The following BIRC6 variants were observed in gnomAD, a reference collection of about 807,000 sequenced individuals.
BIRC6 encodes the protein baculoviral IAP repeat containing 6.
In BIRC6, 98 loss-of-function variants were observed where a neutral mutation model predicts 503.3. That is an observed-to-expected ratio of 0.19 (90% CI 0.17 to 0.23). BIRC6 has a LOEUF of 0.23. Ranked by LOEUF, BIRC6 falls within the 10% of genes least tolerant of loss-of-function variation. The pLI is 1.00. For missense variants in BIRC6, 5,360 were observed against 5,806.0 expected (o/e 0.92, Z 2.50); for synonymous variants, 2,240 against 2,078.7 (o/e 1.08, Z -2.11).
chr2:32,508,368 G>A, intron 51 of BIRC6, 109 bp downstream of exon 51: 1 of 1,320,662 alleles, frequency 7.6e-7, no homozygotes, highest in Non-Finnish European at 9.9e-7. Flanking sequence ...GTCTTAGGAA[G>A]GTCTTTGTTC....
At chr2:32,511,560 G>C (rs1244308589) in intron 53 of BIRC6, among the ~76,000 whole-genome samples, 5 of 134,712 alleles carry the variant, frequency 3.7e-5, no homozygotes, top group African/African-American at 5.6e-5. Context: ...TCAATCTCCT[G>C]ACCTCATGAT....
Position 32,493,563 on chromosome 2 carries a change from T to C in BIRC6, c.8364T>C (p.Ala2788=). The C allele has an allele frequency of 6.2e-7, 1 of 1,610,746 alleles. No individual in the cohort carries two copies. Among genetic ancestry groups the C allele is most frequent in the Non-Finnish European group, 8.5e-7 (1 of 1,177,810 alleles). ...AGGTTGGTCCTACAGCTACACAAGCTATGCAAGAATTTCTTACTCGATTAC... is the reference window on the plus strand; with the variant it reads ...AGGTTGGTCCTACAGCTACACAAGCCATGCAAGAATTTCTTACTCGATTAC... The part of the protein sequence containing the change: ...SPQVGPTATQ[A]MQEFLTRLQV... The change falls in exon 45 of 74, where the codon GCT becomes GCC. Residue 2788 remains alanine (A), a synonymous_variant. Coordinates refer to ENST00000421745, the MANE Select transcript of BIRC6 (RefSeq NM_016252.4).
rs1256821951 is a variant in BIRC6 at position 32,401,325 on chromosome 2, T to C, written c.1197T>C (p.Phe399=). 6.2e-7 allele frequency: 1 copy of C among 1,614,058 alleles called. No individual in the cohort carries two copies. The highest frequency in any genetic ancestry group is 1.7e-5 in the Admixed American group (1 of 60,024). The part of the protein sequence containing the change: ...SCFGSGSCPH[F]LAAATKRGKI... ...TTGGGTCGGGGAGCTGCCCTCATTTTCTAGCTGCTGCAACTAAACGAGGAA... is the reference window on the plus strand; with the variant it reads ...TTGGGTCGGGGAGCTGCCCTCATTTCCTAGCTGCTGCAACTAAACGAGGAA... Residue 399 remains phenylalanine (F), a synonymous_variant, in exon 7 of 74, where the codon TTT becomes TTC. Coordinates refer to ENST00000421745, the MANE Select transcript of BIRC6 (RefSeq NM_016252.4).
chr2:32,470,037 C>A lies in BIRC6; in HGVS notation c.6348-131C>A, dbSNP rs2048953030. The stretch of plus-strand genomic sequence containing the variant: ...CAGATACAAATCTTGCTTTCCCAGT[C>A]TGAAATATGGTATGTTTTAAGAAAG... On this transcript the variant is annotated intron_variant, in intron 30 of 73. Transcript: ENST00000421745. 6.1e-6 allele frequency: 5 copies of A among 815,992 alleles called. No homozygotes were observed. In the East Asian group the frequency reaches 1.6e-4, roughly 27 times the overall value. 50.5% of individuals were successfully genotyped at this position (815,992 alleles called of 1,614,324 possible). A position where few individuals can be genotyped will look rare whatever the true frequency, so the allele number is the denominator to read the frequency against.
At chr2:32,401,663 A>T (rs765988258) in intron 8 of BIRC6, 40 bp downstream of exon 8, 9 of 1,531,114 alleles carry the variant, frequency 5.9e-6, no homozygotes, top group Non-Finnish European at 7.1e-6. Context: ...TAGATGTTAC[A>T]TGTTTTCCTA....
chr2:32,394,881 G>A lies in BIRC6; in HGVS notation c.952-630G>A, dbSNP rs180917416. Among the ~76,000 whole-genome samples the A allele has an allele frequency of 2.0e-3, 306 of 152,138 alleles. 3 individuals are homozygous for A. Among genetic ancestry groups the A allele is most frequent in the African/African-American group, 6.0e-3 (251 of 41,520 alleles). Reference sequence around the variant, plus strand: ...AAAAAACAACAAGAGGCTGGGTGCAGGGCTCACGCCTGTAATTCCAGCACT... The same window carrying A: ...AAAAAACAACAAGAGGCTGGGTGCAAGGCTCACGCCTGTAATTCCAGCACT... On this transcript the variant is annotated intron_variant, in intron 5 of 73. Transcript: ENST00000421745.
chr2:32,565,474 C>G (rs2059473858), intron 65 of BIRC6: 1 of 152,050 alleles, frequency 6.6e-6, no homozygotes, highest in African/African-American at 2.4e-5. Context: ...AGCTGTTTTC[C>G]TGCCTCTGTC....
In BIRC6 at chr2:32,569,605, C is replaced by T. The variant is rs143176547; in HGVS notation, c.13145-5551C>T. Among the ~76,000 whole-genome samples, 522 of 151,818 alleles carry T rather than the reference C, an allele frequency of 3.4e-3. 2 individuals carry two copies. The highest frequency in any genetic ancestry group is 0.012 in the African/African-American group (498 of 41,432). On this transcript the variant is annotated intron_variant, in intron 65 of 73. Coordinates refer to ENST00000421745, the MANE Select transcript of BIRC6 (RefSeq NM_016252.4). ...CAGGCTGGTCTTAAGCCCTTGGACC[C>T]GAGCTGTCTTCCAGCCTGGACCTCC...
At chr2:32,488,813 A>T (rs1262583846) in intron 42 of BIRC6, 99 bp downstream of exon 42, 24 of 869,178 alleles carry the variant, frequency 2.8e-5, no homozygotes, top group Admixed American at 1.5e-4. Context: ...TAGGGGTTAT[A>T]ACATTCTAGT....
At position 32,465,053 on chromosome 2, in the gene BIRC6, T is replaced by C. The variant is rs201646964; in HGVS notation, c.5257-12T>C. ...AATATAAAGTTAGATTTTTTTTTTT[T>C]CCCTGCTCTAGAATCCACTTGGTTC... On this transcript the variant is annotated splice_polypyrimidine_tract_variant and intron_variant, in intron 25 of 73. Coordinates refer to ENST00000421745, the MANE Select transcript of BIRC6 (RefSeq NM_016252.4). 3,718 of 1,504,286 alleles carry C rather than the reference T, an allele frequency of 2.5e-3. 14 individuals carry two copies. The highest frequency in any genetic ancestry group is 4.3e-3 in the Middle Eastern group (25 of 5,762). The allele number at this position is 1,504,286 out of a possible 1,614,324, so 93.2% of individuals were successfully genotyped here. A position where few individuals can be genotyped will look rare whatever the true frequency, so the allele number is the denominator to read the frequency against.
In BIRC6 at chr2:32,518,895, C is replaced by T. The variant is rs1372350973; in HGVS notation, c.11572C>T (p.Leu3858Phe). 1 of 1,613,718 alleles carries T rather than the reference C, an allele frequency of 6.2e-7. No homozygotes were observed. The highest frequency in any genetic ancestry group is 8.5e-7 in the Non-Finnish European group (1 of 1,179,822). ...TGGAGCAGGCCACAAATTCCGTACT[C>T]TTCATTTGCCAGTCTCAACAACATT... The part of the protein sequence containing the change: ...MYGAGHKFRT[L>F]HLPVSTTLSD... Residue 3858 changes from leucine to phenylalanine, a missense_variant, in exon 57 of 74, where the codon CTT becomes TTT. Transcript: ENST00000421745.
Position 32,415,060 on chromosome 2 carries a change from C to A in BIRC6, c.1769C>A (p.Ser590Ter). 6.2e-7 allele frequency: 1 copy of A among 1,613,832 alleles called. No individual in the cohort carries two copies. Among genetic ancestry groups the A allele is most frequent in the South Asian group, 1.1e-5 (1 of 90,990 alleles). Residue 590 changes from serine to a stop codon, truncating the protein, a stop_gained, in exon 10 of 74, where the codon TCA (serine) becomes TAA (stop). Coordinates refer to ENST00000421745, the MANE Select transcript of BIRC6 (RefSeq NM_016252.4). LOFTEE classifies it high-confidence loss of function. ...TSPISSNSHRSLDGLSRTQGE... is the reference protein window; with the variant it reads ...TSPISSNSHR ...CCCATTAGTAGTAATTCTCACAGGT[C>A]ACTGGATGGTTTAAGCAGAACTCAG...
intron 61 of BIRC6, among the ~76,000 whole-genome samples, chr2:32,536,023 T>C (rs1469685004): frequency 2.0e-5 from 3 of 152,216 alleles, no homozygotes; most frequent in Non-Finnish European, 2.9e-5. Context: ...TGGTATCTCA[T>C]TGTGGTTTTG....
At chr2:32,434,363 A>G (rs1210143550) in intron 13 of BIRC6, among the ~76,000 whole-genome samples, 1 of 152,180 alleles carries the variant, frequency 6.6e-6, no homozygotes, top group Non-Finnish European at 1.5e-5. Context: ...ATGGCAACTT[A>G]ACCCCAGTTT....
In BIRC6 at chr2:32,545,815, C is replaced by T. The variant is rs201748748; in HGVS notation, c.12765C>T (p.Ser4255=). Reference sequence around the variant, plus strand: ...TTCTTGTCTGTCTCTCTGCTTTGAGCCACCATTCCCCACGAGTTCCAAACT... The same window carrying T: ...TTCTTGTCTGTCTCTCTGCTTTGAGTCACCATTCCCCACGAGTTCCAAACT... ...HLILVCLSAL[S]HHSPRVPNSS... The change falls in exon 63 of 74, where the codon AGC becomes AGT. Residue 4255 remains serine (S), a synonymous_variant. Transcript: ENST00000421745. 63 of 1,613,862 alleles carry T rather than the reference C, an allele frequency of 3.9e-5. No homozygotes were observed. The highest frequency in any genetic ancestry group is 5.3e-5 in the Non-Finnish European group (63 of 1,179,846).
Position 32,549,391 on chromosome 2 carries a change from A to G in BIRC6, c.13054A>G (p.Asn4352Asp). The change falls in exon 65 of 74, where the codon AAC becomes GAC. Residue 4352 changes from asparagine (N) to aspartate (D), a missense_variant. Physicochemically the swap from Asn to Asp is conservative, Grantham distance 23. Transcript: ENST00000421745. ...GTCATCTCATGAGACTAGAGGGCAG[A>G]ACAGTAATGCCCTTCCTTCTGTACT... is the stretch of plus-strand genomic sequence containing the variant. ...AQSSHETRGQ[N>D]SNALPSVLLE... The G allele has an allele frequency of 6.6e-7, 1 of 1,521,356 alleles. No individual in the cohort carries two copies. Among genetic ancestry groups the G allele is most frequent in the Non-Finnish European group, 9.0e-7 (1 of 1,115,244 alleles). 94.2% of individuals were successfully genotyped at this position (1,521,356 alleles called of 1,614,324 possible). A position where few individuals can be genotyped will look rare whatever the true frequency, so the allele number is the denominator to read the frequency against.
intron 61 of BIRC6, among the ~76,000 whole-genome samples, chr2:32,538,797 T>C (rs2057436714): frequency 6.6e-6 from 1 of 152,142 alleles, no homozygotes; most frequent in African/African-American, 2.4e-5. Flanking sequence ...CCAGCAGTGG[T>C]AGCACACCTC....
intron 9 of BIRC6, among the ~76,000 whole-genome samples, chr2:32,414,151 T>A (rs1305063594): frequency 1.3e-5 from 2 of 151,306 alleles, no homozygotes; most frequent in East Asian, 3.9e-4. Context: ...ATTAGCTGGG[T>A]ATGGTGGCAC....
At chr2:32,546,666 G>C (rs1247784153) in intron 63 of BIRC6, among the ~76,000 whole-genome samples, 3 of 152,006 alleles carry the variant, frequency 2.0e-5, no homozygotes, top group Non-Finnish European at 1.5e-5. Flanking sequence ...ATAAAAATTA[G>C]TTAATTTCTA....
Sources: allele counts gnomAD v4.1 joint callset (sites outside exome capture counted in the v4.1 genomes callset), GRCh38; gene constraint gnomAD v4.1.1; transcripts MANE v1.5; gene names NCBI Gene and HGNC (gene_info 2026-07-23, HGNC 2026-07-21).